C4orf33: variants seen among roughly 807,000 people sequenced by gnomAD.
C4orf33 encodes the protein chromosome 4 open reading frame 33.
C4orf33 carries 20 observed loss-of-function variants against 24.3 expected under a neutral mutation model. The ratio of observed to expected loss-of-function variants is 0.82; its 90% CI spans 0.58 to 1.19. C4orf33 has a LOEUF of 1.19. Ranked by LOEUF, C4orf33 falls within the 50% of genes most tolerant of loss-of-function variation. The pLI, the probability that C4orf33 is intolerant of heterozygous loss-of-function variation, is 0.00. For missense variants in C4orf33, 207 were observed against 225.9 expected, an observed-to-expected ratio of 0.92 and a Z score of 0.54; for synonymous variants, 67 against 76.4, an observed-to-expected ratio of 0.88 and a Z score of 0.64.
At chr4:129,100,251 A>T (rs1020990046) in intron 1 of C4orf33, among the ~76,000 whole-genome samples, 2 of 152,182 alleles carry the variant, frequency 1.3e-5, no homozygotes, top group African/African-American at 2.4e-5. Context: ...GTCCAACCCA[A>T]GGCCCATGGA....
intron 1 of C4orf33, among the ~76,000 whole-genome samples, chr4:129,097,780 G>A (rs552442880): frequency 3.9e-5 from 6 of 152,174 alleles, no homozygotes; most frequent in Non-Finnish European, 1.5e-5. Flanking sequence ...TATCAATTAT[G>A]CCTCACTAGC....
Position 129,113,045 on chromosome 4 carries a change from CAA to C in C4orf33, c.*1255_*1256del, listed in dbSNP as rs1241436541. 7.6e-5 allele frequency: 3 copies of C among 39,566 alleles called. No individual in the cohort carries two copies. Among genetic ancestry groups the C allele is most frequent in the Non-Finnish European group, 1.0e-4 (1 of 9,800 alleles). 2.5% of individuals were successfully genotyped at this position (39,566 alleles called of 1,614,324 possible). A position where few individuals can be genotyped will look rare whatever the true frequency, so the allele number is the denominator to read the frequency against. On this transcript the variant is annotated 3_prime_UTR_variant, in exon 6 of 6. Coordinates refer to ENST00000425929, the MANE Select transcript of C4orf33 (RefSeq NM_001099783.2). ...GCATATAAAACTATCAAAATAAAAACAAGATATATTTTAGAGCATCTTGATTT... is the reference window on the plus strand; with the variant it reads ...GCATATAAAACTATCAAAATAAAAACGATATATTTTAGAGCATCTTGATTT...
chr4:129,101,189 A>G lies in C4orf33; in HGVS notation c.-9-1413A>G, dbSNP rs147701472. Among the ~76,000 whole-genome samples, 249 of 152,300 alleles carry G rather than the reference A, an allele frequency of 1.6e-3. 2 individuals are homozygous for G. Among genetic ancestry groups the G allele is most frequent in the East Asian group, 0.014 (71 of 5,186 alleles). ...CATATAGTGAAAATTAGTAAAAGCT[A>G]TACGTTTTAGAGAAAGGTTTTTAGA... On this transcript the variant is annotated intron_variant, in intron 1 of 5. Transcript: ENST00000425929.
Position 129,116,061 on chromosome 4 carries a change from T to A in C4orf33, c.*4270T>A, listed in dbSNP as rs571518368. ...GGAAGGAATAGTAAAAAGAGTTACCTCTGAAGCTAAGATGACACATGTATG... is the reference window on the plus strand; with the variant it reads ...GGAAGGAATAGTAAAAAGAGTTACCACTGAAGCTAAGATGACACATGTATG... On this transcript the variant is annotated 3_prime_UTR_variant, in exon 6 of 6. Coordinates refer to ENST00000425929, the MANE Select transcript of C4orf33 (RefSeq NM_001099783.2). The A allele has an allele frequency of 2.6e-5, 4 of 151,748 alleles. No homozygotes were observed. Among genetic ancestry groups the A allele is most frequent in the Non-Finnish European group, 2.9e-5 (2 of 67,908 alleles). The allele number at this position is 151,748 out of a possible 1,614,324, so 9.4% of individuals were successfully genotyped here. A position where few individuals can be genotyped will look rare whatever the true frequency, so the allele number is the denominator to read the frequency against.
chr4:129,097,748 G>A (rs541939170), intron 1 of C4orf33, among the ~76,000 whole-genome samples: 3 of 152,268 alleles, frequency 2.0e-5, no homozygotes, highest in South Asian at 2.1e-4. Context: ...AGATATTGAC[G>A]TATTGCTCTT....
rs756000031 is a variant in C4orf33 at position 129,102,802 on chromosome 4, G to A, written c.181+11G>A. The A allele has an allele frequency of 1.9e-6, 3 of 1,599,836 alleles. No homozygotes were observed. In the South Asian group the frequency reaches 3.4e-5, roughly 18 times the overall value. Reference sequence around the variant, plus strand: ...TGTGGGATTATGAAGGTAAGTGGAAGTACTGTATTTTATTGCAAACATAAA... The same window carrying A: ...TGTGGGATTATGAAGGTAAGTGGAAATACTGTATTTTATTGCAAACATAAA... On this transcript the variant is annotated intron_variant, in intron 2 of 5. Transcript: ENST00000425929.
rs1426601284 is a variant in C4orf33 at position 129,116,364 on chromosome 4, C to A, written c.*4573C>A. ...GGCTCCTGAGAGAGCTTTGGGTGTT[C>A]TGTAAATTTTTTACTTTGCACTCTT... On this transcript the variant is annotated 3_prime_UTR_variant, in exon 6 of 6. Coordinates refer to ENST00000425929, the MANE Select transcript of C4orf33 (RefSeq NM_001099783.2). The A allele has an allele frequency of 6.6e-6, 1 of 152,112 alleles. No individual in the cohort carries two copies. Among genetic ancestry groups the A allele is most frequent in the Non-Finnish European group, 1.5e-5 (1 of 68,028 alleles). 9.4% of individuals were successfully genotyped at this position (152,112 alleles called of 1,614,324 possible). A position where few individuals can be genotyped will look rare whatever the true frequency, so the allele number is the denominator to read the frequency against.
intron 5 of C4orf33, among the ~76,000 whole-genome samples, chr4:129,110,342 G>A (rs1176224628): frequency 8.5e-5 from 13 of 152,190 alleles, no homozygotes; most frequent in Non-Finnish European, 1.5e-4. Context: ...TTTGAGCCAA[G>A]TTATCTGCTA....
chr4:129,104,457 A>AGTTTT (rs1271512665), intron 2 of C4orf33, among the ~76,000 whole-genome samples: 1 of 152,154 alleles, frequency 6.6e-6, no homozygotes, highest in Non-Finnish European at 1.5e-5. Flanking sequence ...TCTCAAGGTA[A>AGTTTT]GTTTTGTCCT....
chr4:129,110,436 C>T (rs527414328), intron 5 of C4orf33, among the ~76,000 whole-genome samples: 2 of 152,252 alleles, frequency 1.3e-5, no homozygotes, highest in African/African-American at 4.8e-5. Context: ...CTTATGAATG[C>T]TTCATGGACT....
chr4:129,099,908 T>C (rs988165407), intron 1 of C4orf33, among the ~76,000 whole-genome samples: 4 of 152,184 alleles, frequency 2.6e-5, no homozygotes, highest in African/African-American at 7.2e-5. Flanking sequence ...GTCAGTGTTC[T>C]TTAAGCGATA....
chr4:129,099,757 G>A (rs1233508111), intron 1 of C4orf33, among the ~76,000 whole-genome samples: 2 of 152,002 alleles, frequency 1.3e-5, no homozygotes, highest in East Asian at 1.9e-4. Flanking sequence ...AGGTTGTGGG[G>A]GTTAAATCTC....
At position 129,114,871 on chromosome 4, in the gene C4orf33, G is replaced by T. The variant is rs1753749276; in HGVS notation, c.*3080G>T. 1 of 152,070 alleles carries T rather than the reference G, an allele frequency of 6.6e-6. No individual in the cohort carries two copies. Among genetic ancestry groups the T allele is most frequent in the South Asian group, 2.1e-4 (1 of 4,826 alleles). The allele number at this position is 152,070 out of a possible 1,614,324, so 9.4% of individuals were successfully genotyped here. A position where few individuals can be genotyped will look rare whatever the true frequency, so the allele number is the denominator to read the frequency against. ...CAGTATAGAGTATGTCCTTCCTAGG[G>T]GATTCATTGAGTCATCCTTTGGTGT... is the stretch of plus-strand genomic sequence containing the variant. On this transcript the variant is annotated 3_prime_UTR_variant, in exon 6 of 6. Coordinates refer to ENST00000425929, the MANE Select transcript of C4orf33 (RefSeq NM_001099783.2).
chr4:129,104,391 A>G (rs1177413292), intron 2 of C4orf33, among the ~76,000 whole-genome samples: 1 of 152,202 alleles, frequency 6.6e-6, no homozygotes, highest in African/African-American at 2.4e-5. Context: ...TATATCTAAA[A>G]TGAAAATTTA....
At chr4:129,109,448 T>C (rs772206461) in intron 4 of C4orf33, 25 bp from the exon 5 acceptor site, 2 of 1,607,328 alleles carry the variant, frequency 1.2e-6, no homozygotes, top group Non-Finnish European at 1.7e-6. Flanking sequence ...TTTTATCTTT[T>C]GTGTTTCACA....
upstream of C4orf33, among the ~76,000 whole-genome samples, chr4:129,094,870 T>G (rs1405449488): frequency 2.0e-5 from 3 of 152,226 alleles, no homozygotes; most frequent in African/African-American, 7.2e-5. Context: ...TCACTGACTC[T>G]CCAAGGACTT....
Position 129,104,486 on chromosome 4 carries a change from A to G in C4orf33, c.181+1695A>G, listed in dbSNP as rs73848913. 3.9e-3 allele frequency among the ~76,000 whole-genome samples: 595 copies of G among 152,288 alleles called. 2 individuals are homozygous for G. Among genetic ancestry groups the G allele is most frequent in the African/African-American group, 0.012 (496 of 41,554 alleles). On this transcript the variant is annotated intron_variant, in intron 2 of 5. Transcript: ENST00000425929. ...TTGTCCTTCTTAATATGATCTCTGT[A>G]TAAGACTTTCCATGACCTGGCCCCT...
intron 2 of C4orf33, among the ~76,000 whole-genome samples, chr4:129,105,408 G>A (rs1051776954): frequency 1.3e-5 from 2 of 152,088 alleles, no homozygotes; most frequent in African/African-American, 4.8e-5. Flanking sequence ...GAAACAACTA[G>A]AATAATATGT....
rs1399108432 is a variant in C4orf33 at position 129,113,772 on chromosome 4, G to A, written c.*1981G>A. 6.6e-6 allele frequency: 1 copy of A among 151,224 alleles called. No individual in the cohort carries two copies. Among genetic ancestry groups the A allele is most frequent in the Admixed American group, 6.6e-5 (1 of 15,194 alleles). The allele number at this position is 151,224 out of a possible 1,614,324, so 9.4% of individuals were successfully genotyped here. ...ACGTTAAAAAGGTTTTTTGCCACAGGAAAAAAAACATTTAATTTCCCCTCC... is the reference window on the plus strand; with the variant it reads ...ACGTTAAAAAGGTTTTTTGCCACAGAAAAAAAAACATTTAATTTCCCCTCC... On this transcript the variant is annotated 3_prime_UTR_variant, in exon 6 of 6. Transcript: ENST00000425929.
Sources: allele counts gnomAD v4.1 joint callset (sites outside exome capture counted in the v4.1 genomes callset), GRCh38; gene constraint gnomAD v4.1.1; transcripts MANE v1.5; gene names NCBI Gene and HGNC (gene_info 2026-07-23, HGNC 2026-07-21).